DTNA: variants seen among roughly 807,000 people sequenced by gnomAD.
DTNA encodes the protein dystrobrevin alpha.
A neutral mutation model predicts 100.7 loss-of-function variants in DTNA; 43 were observed. The ratio of observed to expected loss-of-function variants is 0.43; its 90% CI spans 0.33 to 0.55. The LOEUF is 0.55. DTNA is among the 20% of genes least tolerant of loss of function. The pLI is 0.04. For synonymous variants in DTNA, 349 were observed against 347.9 expected (o/e 1.00, Z -0.04); for missense variants, 798 against 953.9 (o/e 0.84, Z 2.15).
At chr18:34,584,320 A>G (rs997628662) in intron 1 of DTNA, among the ~76,000 whole-genome samples, 25 of 152,318 alleles carry the variant, frequency 1.6e-4, no homozygotes, top group African/African-American at 5.5e-4. Context: ...ACCAACAAGA[A>G]ATGGAAGGAA....
chr18:34,877,467 C>A (rs2150349515), intron 18 of DTNA, among the ~76,000 whole-genome samples: 1 of 152,278 alleles, frequency 6.6e-6, no homozygotes, highest in Admixed American at 6.5e-5. Flanking sequence ...TCAAAATTGT[C>A]CCCATATGGA....
intron 1 of DTNA, among the ~76,000 whole-genome samples, chr18:34,548,197 GT>G (rs1323436744): frequency 6.6e-6 from 1 of 151,964 alleles, no homozygotes; most frequent in Non-Finnish European, 1.5e-5. Context: ...TATAAATTTT[GT>G]AATAGCACAT....
At chr18:34,526,904 G>C (rs1462234693) in intron 1 of DTNA, among the ~76,000 whole-genome samples, 1 of 152,106 alleles carries the variant, frequency 6.6e-6, no homozygotes, top group Non-Finnish European at 1.5e-5. Context: ...GTTTTCATCT[G>C]TTAAGAGGTG....
chr18:34,789,130 G>A (rs1412039063), intron 3 of DTNA, among the ~76,000 whole-genome samples: 1 of 152,010 alleles, frequency 6.6e-6, no homozygotes, highest in Non-Finnish European at 1.5e-5. Context: ...TAATCTCTGT[G>A]GCTGCAAAAT....
intron 1 of DTNA, among the ~76,000 whole-genome samples, chr18:34,560,192 G>A (rs1387125682): frequency 6.6e-6 from 1 of 152,140 alleles, no homozygotes; most frequent in African/African-American, 2.4e-5. Flanking sequence ...CCTCAGCTGT[G>A]TTGATTTTCA....
rs35456039 is a variant in DTNA at position 34,824,932 on chromosome 18, T to TAA, written c.1002-2641_1002-2640dup. On this transcript the variant is annotated intron_variant, in intron 9 of 22. Coordinates refer to ENST00000444659, the MANE Select transcript of DTNA (RefSeq NM_001386795.1). ...ATTTTACAGGTAGCCTTAGATACAG[T>TAA]AAAAAAAAAAAAAAAAAAAAATTAA... 5.2e-3 allele frequency among the ~76,000 whole-genome samples: 503 copies of TAA among 96,842 alleles called. 7 individuals carry two copies. The highest frequency in any genetic ancestry group is 0.014 in the African/African-American group (388 of 26,970). The allele number at this position is 96,842 out of a possible 152,430, so 63.5% of individuals were successfully genotyped here. A position where few individuals can be genotyped will look rare whatever the true frequency, so the allele number is the denominator to read the frequency against.
chr18:34,564,999 C>T (rs1434933281), intron 1 of DTNA, among the ~76,000 whole-genome samples: 2 of 152,214 alleles, frequency 1.3e-5, no homozygotes, highest in Non-Finnish European at 2.9e-5. Context: ...TTTGCATGCA[C>T]TCTACCTTAT....
intron 13 of DTNA, among the ~76,000 whole-genome samples, chr18:34,847,323 C>T (rs931611070): frequency 6.6e-6 from 1 of 152,070 alleles, no homozygotes; most frequent in African/African-American, 2.4e-5. Flanking sequence ...GGAGTCACTA[C>T]TAAAATTCTG....
intron 1 of DTNA, among the ~76,000 whole-genome samples, chr18:34,620,473 C>T (rs952791414): frequency 2.6e-5 from 4 of 152,276 alleles, no homozygotes; most frequent in South Asian, 2.1e-4. Context: ...ACAGCTTACT[C>T]ATCGTATTAG....
intron 1 of DTNA, among the ~76,000 whole-genome samples, chr18:34,598,755 A>G (rs750723985): frequency 1.3e-5 from 2 of 152,044 alleles, no homozygotes; most frequent in African/African-American, 2.4e-5. Context: ...AGTCCCAGCT[A>G]CTTGGGAGGC....
At chr18:34,669,368 G>A (rs2076415470) in intron 1 of DTNA, among the ~76,000 whole-genome samples, 1 of 152,176 alleles carries the variant, frequency 6.6e-6, no homozygotes, top group Admixed American at 6.5e-5. Context: ...GGTGGGTCTT[G>A]ACTCTTTATC....
intron 1 of DTNA, among the ~76,000 whole-genome samples, chr18:34,504,806 A>T (rs1568551378): frequency 6.6e-6 from 1 of 152,168 alleles, no homozygotes. Context: ...GTGTCTTGAC[A>T]TGGATATCCT....
chr18:34,741,870 A>G (rs1470712768), intron 1 of DTNA, among the ~76,000 whole-genome samples: 1 of 152,206 alleles, frequency 6.6e-6, no homozygotes, highest in Non-Finnish European at 1.5e-5. Flanking sequence ...TGAAGAGGCT[A>G]CAAGTTGGAC....
intron 1 of DTNA, among the ~76,000 whole-genome samples, chr18:34,676,377 T>G (rs533146699): frequency 6.6e-6 from 1 of 152,198 alleles, no homozygotes; most frequent in South Asian, 2.1e-4. Context: ...GGTAAGACAC[T>G]GGTTCCTAGC....
chr18:34,558,957 A>G (rs561031661), intron 1 of DTNA, among the ~76,000 whole-genome samples: 2 of 152,340 alleles, frequency 1.3e-5, no homozygotes, highest in South Asian at 4.1e-4. Flanking sequence ...GACAAACTGC[A>G]TATGCTTGTT....
chr18:34,566,972 G>A (rs1013679902), intron 1 of DTNA, among the ~76,000 whole-genome samples: 2 of 152,082 alleles, frequency 1.3e-5, no homozygotes, highest in African/African-American at 2.4e-5. Context: ...TGAAATACCC[G>A]GATCGCTGTA....
chr18:34,551,768 A>G (rs1175352268), intron 1 of DTNA, among the ~76,000 whole-genome samples: 1 of 152,132 alleles, frequency 6.6e-6, no homozygotes, highest in African/African-American at 2.4e-5. Context: ...AAAAATATAT[A>G]TCACATTGCA....
intron 1 of DTNA, among the ~76,000 whole-genome samples, chr18:34,627,414 C>A (rs771388348): frequency 1.3e-5 from 2 of 152,152 alleles, no homozygotes; most frequent in Non-Finnish European, 2.9e-5. Flanking sequence ...AGGACAAATT[C>A]TTCCCCAGAC....
intron 17 of DTNA, among the ~76,000 whole-genome samples, chr18:34,873,535 T>C (rs2096785876): frequency 6.6e-6 from 1 of 152,190 alleles, no homozygotes; most frequent in Non-Finnish European, 1.5e-5. Context: ...CCCAGGGCAC[T>C]CAGAGCCCCT....
Sources: gnomAD v4.1 joint callset for allele counts (sites outside exome capture counted in the v4.1 genomes callset) on GRCh38, gnomAD v4.1.1 for gene constraint, MANE v1.5 for transcripts, NCBI Gene and HGNC (gene_info 2026-07-23, HGNC 2026-07-21) for gene names.